The following SEMA5A variants were observed in gnomAD, a reference collection of about 807,000 sequenced individuals.
The protein encoded by SEMA5A is semaphorin-5A.
In SEMA5A, 55 loss-of-function variants were observed where a neutral mutation model predicts 135.5. The ratio of observed to expected loss-of-function variants is 0.41; its 90% CI spans 0.33 to 0.51. The LOEUF (loss-of-function observed/expected upper bound fraction) is 0.51. SEMA5A is among the 20% of genes least tolerant of loss of function. The pLI is 0.37. For synonymous variants in SEMA5A, 580 were observed against 546.5 expected, an observed-to-expected ratio of 1.06 and a Z score of -0.85; for missense variants, 1,290 against 1,419.9, an observed-to-expected ratio of 0.91 and a Z score of 1.47.
At chr5:9,455,518 A>C (rs948162517) in intron 1 of SEMA5A, among the ~76,000 whole-genome samples, 3 of 152,132 alleles carry the variant, frequency 2.0e-5, no homozygotes, top group African/African-American at 7.2e-5. Flanking sequence ...GGCCTCCCAA[A>C]GTGCTGGGAT....
chr5:9,321,110 TATAAGCATCTGGCATTTC>T (rs1451092934), intron 4 of SEMA5A, among the ~76,000 whole-genome samples: 4 of 152,134 alleles, frequency 2.6e-5, no homozygotes, highest in Admixed American at 2.6e-4. Context: ...CTGATGGTTT[TATAAGCATCTGGCATTTC>T]CCCTGCTTGC....
At chr5:9,208,999 T>G (rs1247528103) in intron 8 of SEMA5A, among the ~76,000 whole-genome samples, 1 of 152,190 alleles carries the variant, frequency 6.6e-6, no homozygotes, top group African/African-American at 2.4e-5. Flanking sequence ...ATTTGATTCC[T>G]TCCTTCTTCC....
chr5:9,238,611 C>T (rs1192745894), intron 5 of SEMA5A, among the ~76,000 whole-genome samples: 1 of 152,008 alleles, frequency 6.6e-6, no homozygotes, highest in African/African-American at 2.4e-5. Flanking sequence ...AGAAAACAGA[C>T]AGGGCTTGCT....
At position 9,042,011 on chromosome 5, in the gene SEMA5A, A is replaced by G. The variant is rs560736929; in HGVS notation, c.*886T>C. On this transcript the variant is annotated 3_prime_UTR_variant, in exon 23 of 23. Transcript: ENST00000382496. ...AAGATTTTTCTTTGCAGGGAGAGAG[A>G]AGGCATGGAGTCTATCCAAACGCTA... 10 of 152,360 alleles carry G rather than the reference A, an allele frequency of 6.6e-5. No individual in the cohort carries two copies. The highest frequency in any genetic ancestry group is 2.4e-4 in the African/African-American group (10 of 41,566). The allele number at this position is 152,360 out of a possible 1,614,324, so 9.4% of individuals were successfully genotyped here.
At chr5:9,215,929 G>C (rs1395934756) in intron 8 of SEMA5A, among the ~76,000 whole-genome samples, 1 of 151,938 alleles carries the variant, frequency 6.6e-6, no homozygotes, top group Non-Finnish European at 1.5e-5. Flanking sequence ...TTGTCTAGAT[G>C]AGCACTGTGG....
At chr5:9,107,501 C>T (rs969953999) in intron 16 of SEMA5A, among the ~76,000 whole-genome samples, 5 of 152,058 alleles carry the variant, frequency 3.3e-5, no homozygotes, top group Non-Finnish European at 7.3e-5. Context: ...TGGTGTAGGC[C>T]TGATATGGGG....
intron 10 of SEMA5A, among the ~76,000 whole-genome samples, chr5:9,195,883 A>T (rs1745359975): frequency 6.6e-6 from 1 of 152,280 alleles, no homozygotes; most frequent in South Asian, 2.1e-4. Context: ...TAATAATAGT[A>T]ACTAATGGCC....
chr5:9,232,736 TA>T (rs199716535), intron 6 of SEMA5A, among the ~76,000 whole-genome samples: 6 of 151,866 alleles, frequency 4.0e-5, no homozygotes, highest in Non-Finnish European at 8.8e-5. Flanking sequence ...ATACCTCAAT[TA>T]AAAAAAATAA....
intron 16 of SEMA5A, among the ~76,000 whole-genome samples, chr5:9,086,358 A>T (rs775480485): frequency 6.6e-6 from 1 of 151,352 alleles, no homozygotes; most frequent in African/African-American, 2.4e-5. Context: ...TGTGGGAGGG[A>T]CCTGGTGTGG....
At chr5:9,492,745 T>C (rs114348303) in intron 1 of SEMA5A, among the ~76,000 whole-genome samples, 1,664 of 152,318 alleles carry the variant, frequency 0.011, 29 homozygotes, top group African/African-American at 0.037. Context: ...TGCATATTAC[T>C]ACGTGAAAGA....
intron 1 of SEMA5A, among the ~76,000 whole-genome samples, chr5:9,491,389 G>A (rs1177592690): frequency 6.6e-6 from 1 of 152,084 alleles, no homozygotes; most frequent in Non-Finnish European, 1.5e-5. Context: ...TGTAAACTAT[G>A]AACTCTGGGT....
At chr5:9,241,670 T>A (rs759773875) in intron 5 of SEMA5A, among the ~76,000 whole-genome samples, 1 of 152,034 alleles carries the variant, frequency 6.6e-6, no homozygotes, top group Non-Finnish European at 1.5e-5. Flanking sequence ...ACAGCATCCA[T>A]TGGACCGTGT....
intron 5 of SEMA5A, among the ~76,000 whole-genome samples, chr5:9,246,772 G>T (rs1258556458): frequency 6.6e-6 from 1 of 152,092 alleles, no homozygotes; most frequent in African/African-American, 2.4e-5. Flanking sequence ...GTAAAACCTT[G>T]ACCAACACTA....
chr5:9,455,257 ATTTTTTT>A (rs5865834), intron 1 of SEMA5A, among the ~76,000 whole-genome samples: 1 of 148,872 alleles, frequency 6.7e-6, no homozygotes, highest in African/African-American at 2.5e-5. Flanking sequence ...TTATTTATTT[ATTTTTTT>A]TTTTTTTTTG....
At chr5:9,318,210 G>A (rs1046077376) in intron 5 of SEMA5A, among the ~76,000 whole-genome samples, 162 bp downstream of exon 5, 3 of 152,158 alleles carry the variant, frequency 2.0e-5, no homozygotes, top group South Asian at 2.1e-4. Flanking sequence ...GTAATGACTC[G>A]TAACAAGTAG....
intron 1 of SEMA5A, among the ~76,000 whole-genome samples, chr5:9,472,985 G>A (rs112842151): frequency 5.3e-5 from 8 of 150,322 alleles, no homozygotes; most frequent in Non-Finnish European, 8.9e-5. Flanking sequence ...TGTCATGTAC[G>A]TAGCATTATT....
intron 3 of SEMA5A, among the ~76,000 whole-genome samples, chr5:9,376,861 T>A (rs1197412131): frequency 6.6e-6 from 1 of 152,190 alleles, no homozygotes; most frequent in Non-Finnish European, 1.5e-5. Context: ...GTGCAACCTC[T>A]ATGAAAGAGA....
At chr5:9,212,168 A>T (rs1380915781) in intron 8 of SEMA5A, among the ~76,000 whole-genome samples, 1 of 152,152 alleles carries the variant, frequency 6.6e-6, no homozygotes, top group Non-Finnish European at 1.5e-5. Flanking sequence ...AAACTCACAA[A>T]CTCAATTTGC....
intron 18 of SEMA5A, among the ~76,000 whole-genome samples, chr5:9,060,964 C>A (rs901466863): frequency 6.6e-6 from 1 of 151,812 alleles, no homozygotes; most frequent in African/African-American, 2.4e-5. Flanking sequence ...AATGAGCCTT[C>A]CTCCCAATTT....
Sources: allele counts gnomAD v4.1 joint callset (sites outside exome capture counted in the v4.1 genomes callset), GRCh38; gene constraint gnomAD v4.1.1; transcripts MANE v1.5; gene names NCBI Gene and HGNC (gene_info 2026-07-23, HGNC 2026-07-21).